The following TNFRSF19 variants were observed in gnomAD, a reference collection of about 807,000 sequenced individuals.
The protein encoded by TNFRSF19 is tumor necrosis factor receptor superfamily member 19.
In TNFRSF19, 27 loss-of-function variants were observed where a neutral mutation model predicts 46.4. That is an observed-to-expected ratio of 0.58 (90% CI 0.43 to 0.80). The LOEUF is 0.80. TNFRSF19 is among the 30% of genes least tolerant of loss of function. The pLI, the probability that TNFRSF19 is intolerant of heterozygous loss-of-function variation, is 0.00. For missense variants in TNFRSF19, 511 were observed against 530.8 expected (o/e 0.96, Z 0.37); for synonymous variants, 204 against 205.0 (o/e 1.00, Z 0.04).
chr13:23,644,355 G>T (rs1237057370), intron 5 of TNFRSF19, among the ~76,000 whole-genome samples: 1 of 152,120 alleles, frequency 6.6e-6, no homozygotes, highest in Non-Finnish European at 1.5e-5. Context: ...CCTTCATCCC[G>T]TTCTCATGAT....
At position 23,647,196 on chromosome 13, in the gene TNFRSF19, A is replaced by T. The variant is rs1190929239; in HGVS notation, c.446-11854A>T. On this transcript the variant is annotated intron_variant, in intron 5 of 9. Coordinates refer to ENST00000248484, the MANE Select transcript of TNFRSF19 (RefSeq NM_148957.4). ...TGGATATTAAATCCTTACCAGATGT[A>T]TGAAATGCTAATATTTTCTTCTGCT... 2.0e-5 allele frequency among the ~76,000 whole-genome samples: 3 copies of T among 152,304 alleles called. No homozygotes were observed. In the East Asian group the frequency reaches 5.8e-4, roughly 29 times the overall value.
intron 3 of TNFRSF19, among the ~76,000 whole-genome samples, chr13:23,607,923 A>T (rs574503595): frequency 1.3e-5 from 2 of 152,112 alleles, no homozygotes; most frequent in East Asian, 3.9e-4. Flanking sequence ...CCTAATTATT[A>T]TTTTCTTTGG....
At chr13:23,624,933 A>T (rs778047954) in intron 4 of TNFRSF19, among the ~76,000 whole-genome samples, 4 of 151,274 alleles carry the variant, frequency 2.6e-5, no homozygotes, top group East Asian at 2.0e-4. Flanking sequence ...TGTATTTTTC[A>T]TAGAGACGGG....
chr13:23,627,207 GAGA>G (rs554821960), intron 5 of TNFRSF19, among the ~76,000 whole-genome samples: 35 of 152,128 alleles, frequency 2.3e-4, no homozygotes, highest in South Asian at 4.1e-4. Context: ...TGCCTTCCCA[GAGA>G]AGTTCCTCTC....
intron 5 of TNFRSF19, among the ~76,000 whole-genome samples, chr13:23,642,218 A>G (rs1419472258): frequency 6.6e-6 from 1 of 152,198 alleles, no homozygotes; most frequent in Non-Finnish European, 1.5e-5. Flanking sequence ...ATGGGGACAC[A>G]TGCATCAACA....
At chr13:23,588,411 G>C (rs1227246441) in intron 1 of TNFRSF19, among the ~76,000 whole-genome samples, 1 of 152,196 alleles carries the variant, frequency 6.6e-6, no homozygotes, top group East Asian at 1.9e-4. Context: ...GCATCAAAGT[G>C]ACAATGTTAA....
chr13:23,626,332 A>G (rs1654144304), intron 4 of TNFRSF19, among the ~76,000 whole-genome samples: 3 of 151,788 alleles, frequency 2.0e-5, no homozygotes, highest in African/African-American at 7.3e-5. Flanking sequence ...CGTTGCTTTT[A>G]TGGTTGCTTG....
At chr13:23,610,456 C>G (rs561833361) in intron 3 of TNFRSF19, among the ~76,000 whole-genome samples, 11 of 152,298 alleles carry the variant, frequency 7.2e-5, no homozygotes, top group Non-Finnish European at 1.5e-4. Flanking sequence ...GCCCTCTGCT[C>G]CCTTGGGACC....
intron 3 of TNFRSF19, among the ~76,000 whole-genome samples, chr13:23,605,443 C>T (rs548546139): frequency 6.6e-6 from 1 of 152,244 alleles, no homozygotes; most frequent in African/African-American, 2.4e-5. Context: ...ATTATTTGAT[C>T]CAGCAATTGA....
At chr13:23,615,371 A>G (rs1268508929) in intron 3 of TNFRSF19, among the ~76,000 whole-genome samples, 1 of 152,230 alleles carries the variant, frequency 6.6e-6, no homozygotes. Flanking sequence ...TAAATTGCTA[A>G]CTATTTCAAG....
In TNFRSF19 at chr13:23,659,567, C is replaced by T. The variant is rs1011259232; in HGVS notation, c.610+353C>T. Among the ~76,000 whole-genome samples the T allele has an allele frequency of 6.6e-6, 1 of 152,104 alleles. No individual in the cohort carries two copies. The highest frequency in any genetic ancestry group is 1.9e-4 in the East Asian group (1 of 5,178). On this transcript the variant is annotated intron_variant, in intron 6 of 9. Transcript: ENST00000248484. This position sits in a 1 kb window ranked among gnomAD's most constrained non-coding sequence, Gnocchi z 4.9. The stretch of plus-strand genomic sequence containing the variant: ...TGTCACCCAGGCTGGAGGGCAGTGG[C>T]GTGACTTCAGCTCATGGCAACCTCT...
intron 1 of TNFRSF19, among the ~76,000 whole-genome samples, chr13:23,579,176 G>A (rs571433384): frequency 6.6e-6 from 1 of 152,350 alleles, no homozygotes; most frequent in Admixed American, 6.5e-5. Context: ...ATCCGCTTCA[G>A]TAGCCGCGGA....
intron 1 of TNFRSF19, among the ~76,000 whole-genome samples, chr13:23,578,194 A>T (rs2138138310): frequency 6.6e-6 from 1 of 152,154 alleles, no homozygotes; most frequent in East Asian, 1.9e-4. Context: ...ATGTGCACTG[A>T]GGGCTGGAGT....
At chr13:23,663,351 C>A (rs1001922018) in intron 7 of TNFRSF19, among the ~76,000 whole-genome samples, 2 of 152,184 alleles carry the variant, frequency 1.3e-5, no homozygotes, top group Non-Finnish European at 2.9e-5. Context: ...AACCTTGCAT[C>A]CCAGGGATGA....
chr13:23,661,162 T>C (rs11843858), intron 7 of TNFRSF19, among the ~76,000 whole-genome samples: 4,250 of 152,298 alleles, frequency 0.028, 214 homozygotes, highest in African/African-American at 0.098. Context: ...TAGTACCCAA[T>C]AGTTTCTTTT....
chr13:23,573,824 A>G (rs1203736187), intron 1 of TNFRSF19, among the ~76,000 whole-genome samples: 1 of 152,140 alleles, frequency 6.6e-6, no homozygotes, highest in African/African-American at 2.4e-5. Context: ...GCACTTTGGG[A>G]GGCCGAGGCA....
intron 3 of TNFRSF19, among the ~76,000 whole-genome samples, chr13:23,599,913 G>A (rs1462961493): frequency 6.7e-6 from 1 of 149,552 alleles, no homozygotes; most frequent in Non-Finnish European, 1.5e-5. Context: ...CATTCAGATG[G>A]TGGGGGCTTA....
chr13:23,627,720 T>G (rs1882099245), intron 5 of TNFRSF19, among the ~76,000 whole-genome samples: 1 of 152,230 alleles, frequency 6.6e-6, no homozygotes, highest in Admixed American at 6.5e-5. Context: ...GATGTCATTT[T>G]CAATGCATGG....
chr13:23,640,671 C>G (rs907629219), intron 5 of TNFRSF19, among the ~76,000 whole-genome samples: 1 of 152,200 alleles, frequency 6.6e-6, no homozygotes, highest in African/African-American at 2.4e-5. Flanking sequence ...AGAATGTTCA[C>G]CAATCCATTC....
Sources: gnomAD v4.1 joint callset for allele counts (sites outside exome capture counted in the v4.1 genomes callset) on GRCh38, gnomAD v4.1.1 for gene constraint, Gnocchi (gnomAD v3.1) non-coding constraint, MANE v1.5 for transcripts, NCBI Gene and HGNC (gene_info 2026-07-23, HGNC 2026-07-21) for gene names.